Variants in ZNF35 observed in about 807,000 individuals in gnomAD.
The protein encoded by ZNF35 is zinc finger protein 35, also known as zinc finger protein 35 (clone HF.10).
A neutral mutation model predicts 45.9 loss-of-function variants in ZNF35; 31 were observed. The ratio of observed to expected loss-of-function variants is 0.68; its 90% CI spans 0.51 to 0.91. The LOEUF (loss-of-function observed/expected upper bound fraction) is 0.91. Among genes scored for constraint, ZNF35 ranks in the 40% least tolerant of loss-of-function variants. The pLI is 0.00. For missense variants in ZNF35, 515 were observed against 625.4 expected (o/e 0.82, Z 1.88); for synonymous variants, 205 against 220.2 (o/e 0.93, Z 0.61).
intron 1 of ZNF35, among the ~76,000 whole-genome samples, chr3:44,649,174 C>G (rs1260500096): frequency 6.6e-6 from 1 of 152,244 alleles, no homozygotes; most frequent in Non-Finnish European, 1.5e-5. Context: ...CCTGTGCCGT[C>G]TGGGACCGGA....
Position 44,659,335 on chromosome 3 carries a change from C to T in ZNF35, c.972C>T (p.His324=). The T allele has an allele frequency of 6.2e-7, 1 of 1,614,050 alleles. No homozygotes were observed. The highest frequency in any genetic ancestry group is 8.5e-7 in the Non-Finnish European group (1 of 1,180,002). The part of the protein sequence containing the change: ...AFSYSSQLAR[H]QKVHITEKCY... ...GTTACAGCTCACAACTTGCTCGGCA[C>T]CAGAAAGTCCACATTACGGAAAAAT... The change falls in exon 4 of 4, where the codon CAC becomes CAT. Residue 324 remains histidine, a synonymous_variant. Transcript: ENST00000396056. The surrounding 1 kb of genome is among the most constrained non-coding windows in gnomAD (Gnocchi z 4.3).
intron 3 of ZNF35, among the ~76,000 whole-genome samples, chr3:44,655,218 A>G (rs1342297219): frequency 6.6e-6 from 1 of 152,168 alleles, no homozygotes; most frequent in African/African-American, 2.4e-5. Flanking sequence ...TACAAATTTG[A>G]TATCTTTAGT....
At chr3:44,658,410 T>C (rs577881961) in intron 3 of ZNF35, among the ~76,000 whole-genome samples, 128 of 152,294 alleles carry the variant, frequency 8.4e-4, no homozygotes, top group African/African-American at 2.7e-3. Flanking sequence ...TGTCTGGAGA[T>C]TGGCCCTCCC....
intron 3 of ZNF35, 105 bp from the exon 4 acceptor site, chr3:44,658,596 T>C (rs1703349657): frequency 8.0e-7 from 1 of 1,249,870 alleles, no homozygotes; most frequent in African/African-American, 1.5e-5. Context: ...TGAAGCCATT[T>C]TGTGGAGGTG....
intron 3 of ZNF35, among the ~76,000 whole-genome samples, chr3:44,656,070 G>A (rs1046100707): frequency 1.3e-5 from 2 of 152,138 alleles, no homozygotes; most frequent in African/African-American, 4.8e-5. Context: ...GACGTTGGAT[G>A]GGAGGAGAAT....
Position 44,652,640 on chromosome 3 carries a change from A to G in ZNF35, c.276A>G (p.Ser92=), listed in dbSNP as rs780613181. 6.6e-5 allele frequency: 107 copies of G among 1,611,388 alleles called. 2 individuals are homozygous for G. The South Asian group carries it at 1.1e-3, about 17-fold the overall frequency. Residue 92 remains serine, a synonymous_variant, in exon 3 of 4, where the codon TCA becomes TCG. Transcript: ENST00000396056. ...APAASTLGSY[S]LPGTLAKSEI... ...CTGCTTCAACCCTTGGCAGCTACTC[A>G]TTACCAGGGACTCTGGCCAAGAGTG...
chr3:44,655,163 A>G (rs1352462249), intron 3 of ZNF35, among the ~76,000 whole-genome samples: 1 of 152,218 alleles, frequency 6.6e-6, no homozygotes, highest in Admixed American at 6.5e-5. Context: ...AATTTTAAAC[A>G]TTTAATTCTA....
intron 3 of ZNF35, among the ~76,000 whole-genome samples, chr3:44,656,229 TGAA>T (rs1438056205): frequency 1.3e-5 from 2 of 150,088 alleles, no homozygotes; most frequent in Non-Finnish European, 3.0e-5. Flanking sequence ...AGGAGAGAGA[TGAA>T]GAGTCAGTAG....
At position 44,659,162 on chromosome 3, in the gene ZNF35, G is replaced by T; in HGVS notation, c.799G>T (p.Val267Leu). The part of the protein sequence containing the change: ...KAFIQSANLV[V>L]HQRIHTGQKP... The stretch of plus-strand genomic sequence containing the variant: ...CTTCATTCAGAGTGCAAACCTCGTT[G>T]TGCATCAGAGAATCCACACTGGACA... Residue 267 changes from valine (V) to leucine (L), a missense_variant, in exon 4 of 4, where the codon GTG (valine) becomes TTG (leucine). Physicochemically the swap from Val to Leu is conservative, Grantham distance 32. Around this residue, in one of 3 missense-constraint regions of ZNF35, gnomAD observed 8 missense variants for 25.1 expected, o/e 0.32. Coordinates refer to ENST00000396056, the MANE Select transcript of ZNF35 (RefSeq NM_003420.4). The surrounding 1 kb of genome is among the most constrained non-coding windows in gnomAD (Gnocchi z 4.3). 1 of 1,614,132 alleles carries T rather than the reference G, an allele frequency of 6.2e-7. No homozygotes were observed. Among genetic ancestry groups the T allele is most frequent in the Non-Finnish European group, 8.5e-7 (1 of 1,180,006 alleles).
At chr3:44,655,759 T>C (rs1703289533) in intron 3 of ZNF35, among the ~76,000 whole-genome samples, 1 of 152,246 alleles carries the variant, frequency 6.6e-6, no homozygotes, top group African/African-American at 2.4e-5. Context: ...GAAAACCTTC[T>C]AGGCTACAGT....
At chr3:44,648,447 A>G (rs1350737693), upstream of ZNF35, 1 of 152,224 alleles carries the variant, frequency 6.6e-6, no homozygotes, top group Admixed American at 6.5e-5. Flanking sequence ...GATATTTTCA[A>G]AATAAAACAT....
chr3:44,649,949 A>G (rs1703155690), intron 1 of ZNF35, among the ~76,000 whole-genome samples: 2 of 152,194 alleles, frequency 1.3e-5, no homozygotes, highest in African/African-American at 2.4e-5. Context: ...TGAACAGTAT[A>G]TAACTGTGAT....
In ZNF35 at chr3:44,659,853, C is replaced by A. The variant is rs747981735; in HGVS notation, c.1490C>A (p.Thr497Asn). The A allele has an allele frequency of 1.2e-6, 2 of 1,613,602 alleles. No homozygotes were observed. Among genetic ancestry groups the A allele is most frequent in the South Asian group, 2.2e-5 (2 of 91,028 alleles). Residue 497 changes from threonine to asparagine, a missense_variant, in exon 4 of 4, where the codon ACT becomes AAT. By Grantham distance (65) the Thr-to-Asn change is moderately conservative. Coordinates refer to ENST00000396056, the MANE Select transcript of ZNF35 (RefSeq NM_003420.4). This position sits in a 1 kb window ranked among gnomAD's most constrained non-coding sequence, Gnocchi z 4.3. ...CTCACCGTGCACCAGAGAACCCACACTGGGGAGAAGCCCTATGAATGTGAG... is the reference window on the plus strand; with the variant it reads ...CTCACCGTGCACCAGAGAACCCACAATGGGGAGAAGCCCTATGAATGTGAG... ...SSLTVHQRTH[T>N]GEKPYECEKC...
chr3:44,654,098 T>C (rs748730318), intron 3 of ZNF35, among the ~76,000 whole-genome samples: 2 of 152,220 alleles, frequency 1.3e-5, no homozygotes, highest in South Asian at 2.1e-4. Context: ...ATGTCACTTA[T>C]TTTCTGTCTC....
rs1703223598 is a variant in ZNF35, at chr3:44,652,564, A to G, written c.200A>G (p.Asn67Ser). The change falls in exon 3 of 4, where the codon AAC becomes AGC. Residue 67 changes from asparagine (N) to serine (S), a missense_variant. Asn to Ser is a conservative substitution (Grantham distance 46, BLOSUM62 1). Coordinates refer to ENST00000396056, the MANE Select transcript of ZNF35 (RefSeq NM_003420.4). Reference protein sequence around the residue: ...DGSEEEEKGQNISWDMAVVLK... With the variant: ...DGSEEEEKGQSISWDMAVVLK... The stretch of plus-strand genomic sequence containing the variant: ...GTGCCTGCTTGTCTCTAGGGTCAGA[A>G]CATATCCTGGGATATGGCGGTAGTC... 2 of 1,603,662 alleles carry G rather than the reference A, an allele frequency of 1.2e-6. No individual in the cohort carries two copies. Among genetic ancestry groups the G allele is most frequent in the Non-Finnish European group, 1.7e-6 (2 of 1,175,474 alleles).
In ZNF35 at chr3:44,658,894, G is replaced by A; in HGVS notation, c.531G>A (p.Val177=). ...IKREKKDFRQ[V]IVNDCHLPES... is the part of the protein sequence containing the mutation. ...GAGAAAAGAAAGATTTCAGACAAGT[G>A]ATAGTGAATGACTGTCACTTACCTG... Residue 177 remains valine, a synonymous_variant, in exon 4 of 4, where the codon GTG becomes GTA. Transcript: ENST00000396056. The A allele has an allele frequency of 1.9e-6, 3 of 1,612,776 alleles. No individual in the cohort carries two copies. The highest frequency in any genetic ancestry group is 2.5e-6 in the Non-Finnish European group (3 of 1,179,774).
upstream of ZNF35, chr3:44,648,692 T>C (rs1703099462): frequency 6.6e-6 from 1 of 152,076 alleles, no homozygotes; most frequent in Non-Finnish European, 1.5e-5. Context: ...GAGGCCGGCT[T>C]GGCGACTTGG....
rs757329009 is a variant in ZNF35 at position 44,659,182 on chromosome 3, T to C, written c.819T>C (p.Thr273=). Residue 273 remains threonine, a synonymous_variant, in exon 4 of 4, where the codon ACT becomes ACC. Transcript: ENST00000396056. This position sits in a 1 kb window ranked among gnomAD's most constrained non-coding sequence, Gnocchi z 4.3. ...ANLVVHQRIH[T]GQKPYVCSKC... ...TCGTTGTGCATCAGAGAATCCACACTGGACAGAAACCTTATGTTTGCTCAA... is the reference window on the plus strand; with the variant it reads ...TCGTTGTGCATCAGAGAATCCACACCGGACAGAAACCTTATGTTTGCTCAA... The C allele has an allele frequency of 2.5e-6, 4 of 1,614,196 alleles. No individual in the cohort carries two copies. Among genetic ancestry groups the C allele is most frequent in the South Asian group, 1.1e-5 (1 of 91,078 alleles).
chr3:44,651,564 C>T (rs1300442365), intron 2 of ZNF35, among the ~76,000 whole-genome samples: 3 of 152,134 alleles, frequency 2.0e-5, no homozygotes, highest in African/African-American at 4.8e-5. Context: ...CACAGTGGCT[C>T]ACACCTGTAA....
Sources: allele counts gnomAD v4.1 joint callset (sites outside exome capture counted in the v4.1 genomes callset), GRCh38; gene constraint gnomAD v4.1.1; regional missense constraint gnomAD v4.1.1; non-coding constraint Gnocchi (gnomAD v3.1); transcripts MANE v1.5; gene names NCBI Gene and HGNC (gene_info 2026-07-23, HGNC 2026-07-21).